The following ASAP1 variants were observed in gnomAD, a reference collection of about 807,000 sequenced individuals.
ASAP1 encodes the protein ArfGAP with SH3 domain, ankyrin repeat and PH domain 1.
A neutral mutation model predicts 145.2 loss-of-function variants in ASAP1; 43 were observed. That is an observed-to-expected ratio of 0.30 (90% CI 0.23 to 0.38). ASAP1 has a LOEUF of 0.38. ASAP1 is among the 10% of genes least tolerant of loss of function. ASAP1 has a pLI of 1.00. For missense variants in ASAP1, 1,018 were observed against 1,355.3 expected, an observed-to-expected ratio of 0.75 and a Z score of 3.91; for synonymous variants, 546 against 515.5, an observed-to-expected ratio of 1.06 and a Z score of -0.80.
At chr8:130,200,991 A>T (rs571991198) in intron 5 of ASAP1, among the ~76,000 whole-genome samples, 2 of 152,222 alleles carry the variant, frequency 1.3e-5, no homozygotes, top group Non-Finnish European at 2.9e-5. Context: ...GTGGTTCTCA[A>T]AAGTGTGGTC....
intron 2 of ASAP1, among the ~76,000 whole-genome samples, chr8:130,377,103 A>G (rs566922300): frequency 1.1e-4 from 17 of 152,200 alleles, no homozygotes; most frequent in African/African-American, 4.1e-4. Context: ...TACATCACTT[A>G]GAATTCCTGA....
chr8:130,317,333 T>C (rs539602865), intron 3 of ASAP1, among the ~76,000 whole-genome samples: 2 of 152,292 alleles, frequency 1.3e-5, no homozygotes, highest in African/African-American at 2.4e-5. Flanking sequence ...TCAGCCAAAA[T>C]TGGGCAAGAG....
At chr8:130,393,649 G>A (rs939406107) in intron 2 of ASAP1, among the ~76,000 whole-genome samples, 16 of 152,228 alleles carry the variant, frequency 1.1e-4, no homozygotes, top group Non-Finnish European at 1.5e-4. Context: ...CCAGCTGCTC[G>A]GGAGGCTGAG....
At position 130,108,757 on chromosome 8, in the gene ASAP1, G is replaced by GTT. The variant is rs10568607; in HGVS notation, c.2401+3335_2401+3336dup. ...TAATCTTGGCAAGCCTCAAAAACCA[G>GTT]TTTTTTTTTTTTTTTTTTTTTTTTT... On this transcript the variant is annotated intron_variant, in intron 24 of 29. Coordinates refer to ENST00000518721, the MANE Select transcript of ASAP1 (RefSeq NM_018482.4). Among the ~76,000 whole-genome samples, 280 of 51,566 alleles carry GTT rather than the reference G, an allele frequency of 5.4e-3. 10 individuals carry two copies. The highest frequency in any genetic ancestry group is 6.8e-3 in the African/African-American group (82 of 12,042). 33.8% of individuals were successfully genotyped at this position (51,566 alleles called of 152,430 possible). A position where few individuals can be genotyped will look rare whatever the true frequency, so the allele number is the denominator to read the frequency against.
At chr8:130,351,248 G>A (rs1427845349) in intron 3 of ASAP1, among the ~76,000 whole-genome samples, 2 of 152,156 alleles carry the variant, frequency 1.3e-5, no homozygotes, top group Non-Finnish European at 2.9e-5. Flanking sequence ...CAGAAGAAAC[G>A]GAATGGGTTT....
At chr8:130,152,840 A>C in intron 12 of ASAP1, 35 bp from the exon 13 acceptor site, 1 of 1,486,566 alleles carries the variant, frequency 6.7e-7, no homozygotes, top group Non-Finnish European at 9.3e-7. Flanking sequence ...AGATATAGTA[A>C]CTGATTCACT....
intron 25 of ASAP1, among the ~76,000 whole-genome samples, chr8:130,087,493 C>T (rs149885432): frequency 6.6e-6 from 1 of 152,212 alleles, no homozygotes; most frequent in East Asian, 1.9e-4. Context: ...GCATTCCAGC[C>T]TGGGCAACAG....
intron 4 of ASAP1, among the ~76,000 whole-genome samples, chr8:130,230,299 C>T (rs1209069070): frequency 2.6e-5 from 4 of 152,100 alleles, no homozygotes; most frequent in African/African-American, 9.7e-5. Flanking sequence ...CTCATACACA[C>T]AGTGAATAGC....
Position 130,358,007 on chromosome 8 carries a change from C to T in ASAP1, c.186+10G>A, listed in dbSNP as rs563930939. On this transcript the variant is annotated intron_variant, in intron 3 of 29. Coordinates refer to ENST00000518721, the MANE Select transcript of ASAP1 (RefSeq NM_018482.4). The surrounding 1 kb of genome is among the most constrained non-coding windows in gnomAD (Gnocchi z 4.1). ...CGAGCGTGGACGGCGGGGGTCCCGGCCCGACCTACCTCCTCCAGCAGCGTG... is the reference window on the plus strand; with the variant it reads ...CGAGCGTGGACGGCGGGGGTCCCGGTCCGACCTACCTCCTCCAGCAGCGTG... 3 of 1,600,794 alleles carry T rather than the reference C, an allele frequency of 1.9e-6. No individual in the cohort carries two copies. The Admixed American group carries it at 5.1e-5, about 27-fold the overall frequency.
rs1421160008 is a variant in ASAP1, at chr8:130,415,339, ACACC to A, written c.-27-13373_-27-13370del. The stretch of plus-strand genomic sequence containing the variant: ...AAAAACTAGTGGGGTGTGGTGGTAT[ACACC>A]TATAGTCCCAGCTACTCTGGAGGCT... On this transcript the variant is annotated intron_variant, in intron 1 of 29. Coordinates refer to ENST00000518721, the MANE Select transcript of ASAP1 (RefSeq NM_018482.4). 2.0e-5 allele frequency among the ~76,000 whole-genome samples: 3 copies of A among 151,416 alleles called. No individual in the cohort carries two copies. In the East Asian group the frequency reaches 5.8e-4, roughly 29 times the overall value.
intron 27 of ASAP1, among the ~76,000 whole-genome samples, chr8:130,072,544 C>A (rs1014055275): frequency 3.3e-5 from 4 of 122,138 alleles, no homozygotes; most frequent in Non-Finnish European, 5.5e-5. Context: ...TATAAATTAC[C>A]CAGTCTCAGG....
chr8:130,193,527 T>TA (rs1445849333), intron 5 of ASAP1, among the ~76,000 whole-genome samples: 47 of 152,114 alleles, frequency 3.1e-4, no homozygotes, highest in African/African-American at 1.1e-3. Context: ...TTTTGCATTT[T>TA]AAAAAAATTG....
intron 2 of ASAP1, among the ~76,000 whole-genome samples, chr8:130,399,080 A>C (rs1042646108): frequency 1.3e-5 from 2 of 152,226 alleles, no homozygotes; most frequent in African/African-American, 4.8e-5. Context: ...ACTTCCAGGA[A>C]ACATCCTTAA....
At chr8:130,399,950 G>T (rs13275147) in intron 2 of ASAP1, among the ~76,000 whole-genome samples, 48,667 of 151,600 alleles carry the variant, frequency 0.32, 8,610 homozygotes, top group African/African-American at 0.46. Context: ...CTCCCAAGTA[G>T]CTGGGATTAC....
chr8:130,092,238 G>T, intron 24 of ASAP1, 95 bp from the exon 25 acceptor site: 1 of 1,337,314 alleles, frequency 7.5e-7, no homozygotes, highest in East Asian at 2.7e-5. Context: ...TCAGAATGTG[G>T]TATGACACAC....
chr8:130,158,017 ACAG>A (rs2097661346), intron 12 of ASAP1, among the ~76,000 whole-genome samples: 1 of 152,202 alleles, frequency 6.6e-6, no homozygotes, highest in South Asian at 2.1e-4. Flanking sequence ...TCCTAGACAT[ACAG>A]CAGGACTCAA....
At chr8:130,307,370 G>A (rs1387975919) in intron 3 of ASAP1, among the ~76,000 whole-genome samples, 2 of 152,184 alleles carry the variant, frequency 1.3e-5, no homozygotes, top group Admixed American at 1.3e-4. Flanking sequence ...AATAAAGAGG[G>A]ACTCAAAATG....
intron 27 of ASAP1, among the ~76,000 whole-genome samples, chr8:130,072,367 G>T (rs2097448561): frequency 1.3e-5 from 2 of 152,164 alleles, no homozygotes; most frequent in African/African-American, 2.4e-5. Context: ...TCATGGTAGT[G>T]AATAAGTCTC....
intron 4 of ASAP1, among the ~76,000 whole-genome samples, chr8:130,215,613 G>C (rs576226361): frequency 1.3e-5 from 2 of 152,048 alleles, no homozygotes; most frequent in South Asian, 2.1e-4. Flanking sequence ...GTGTAGTAGC[G>C]GGTGCCTGTA....
Sources: allele counts gnomAD v4.1 joint callset (sites outside exome capture counted in the v4.1 genomes callset), GRCh38; gene constraint gnomAD v4.1.1; non-coding constraint Gnocchi (gnomAD v3.1); transcripts MANE v1.5; gene names NCBI Gene and HGNC (gene_info 2026-07-23, HGNC 2026-07-21).